The following TRAPPC9 variants were observed in gnomAD, a reference collection of about 807,000 sequenced individuals.
The protein encoded by TRAPPC9 is IKK2 binding protein.
Under a neutral mutation model 124.0 loss-of-function variants are expected in TRAPPC9, and 83 were observed. The observed-to-expected ratio is 0.67, with a 90% CI of 0.56 to 0.80. The LOEUF (loss-of-function observed/expected upper bound fraction) is 0.80, where lower values mean the gene tolerates loss of function less well. Ranked by LOEUF, TRAPPC9 falls within the 30% of genes least tolerant of loss-of-function variation. The pLI is 0.00. For missense variants in TRAPPC9, 1,302 were observed against 1,508.3 expected, an observed-to-expected ratio of 0.86 and a Z score of 2.27; for synonymous variants, 638 against 617.5, an observed-to-expected ratio of 1.03 and a Z score of -0.49.
chr8:140,270,508 T>A (rs1215558925), intron 15 of TRAPPC9, among the ~76,000 whole-genome samples: 3 of 152,206 alleles, frequency 2.0e-5, no homozygotes, highest in Non-Finnish European at 4.4e-5. Context: ...ACCCAGTCAC[T>A]GCCTTGGAGA....
chr8:140,328,170 G>A (rs980476400), intron 9 of TRAPPC9, among the ~76,000 whole-genome samples: 3 of 152,182 alleles, frequency 2.0e-5, no homozygotes, highest in East Asian at 1.9e-4. Context: ...CAGAAGAATC[G>A]CTTGAAGCCA....
chr8:139,770,690 A>C (rs774103691), intron 21 of TRAPPC9, among the ~76,000 whole-genome samples: 13 of 152,196 alleles, frequency 8.5e-5, no homozygotes, highest in Non-Finnish European at 1.5e-4. Flanking sequence ...CACTAATGAG[A>C]AACAGTAAGA....
At chr8:140,109,454 C>T (rs1217660416) in intron 17 of TRAPPC9, among the ~76,000 whole-genome samples, 2 of 151,980 alleles carry the variant, frequency 1.3e-5, no homozygotes, top group African/African-American at 2.4e-5. Context: ...CTCAAAAATA[C>T]GAAGAGAAAA....
chr8:139,738,853 A>G (rs1467439070), intron 21 of TRAPPC9, among the ~76,000 whole-genome samples: 1 of 151,976 alleles, frequency 6.6e-6, no homozygotes, highest in African/African-American at 2.4e-5. Flanking sequence ...GGCACTGGGT[A>G]GGGTGCACAG....
chr8:139,830,406 T>C (rs1825906580), intron 21 of TRAPPC9, among the ~76,000 whole-genome samples: 1 of 150,312 alleles, frequency 6.7e-6, no homozygotes, highest in Non-Finnish European at 1.5e-5. Context: ...CAAATGAGCA[T>C]ACACCTGCAA....
At chr8:139,967,089 C>T (rs1286224283) in intron 19 of TRAPPC9, among the ~76,000 whole-genome samples, 2 of 152,180 alleles carry the variant, frequency 1.3e-5, no homozygotes, top group East Asian at 3.9e-4. Context: ...ACACTCAGGG[C>T]CCCTTCCTAC....
intron 18 of TRAPPC9, among the ~76,000 whole-genome samples, chr8:140,012,068 C>T (rs942894611): frequency 6.6e-6 from 1 of 152,172 alleles, no homozygotes; most frequent in Non-Finnish European, 1.5e-5. Context: ...CCTTGGCCTC[C>T]CAAAGTGCTG....
intron 14 of TRAPPC9, among the ~76,000 whole-genome samples, chr8:140,281,487 T>C (rs1488452473): frequency 6.6e-6 from 1 of 152,214 alleles, no homozygotes; most frequent in Non-Finnish European, 1.5e-5. Flanking sequence ...GTTTTAAGAG[T>C]TCTTAATGTG....
intron 5 of TRAPPC9, among the ~76,000 whole-genome samples, chr8:140,416,978 C>T (rs1253006992): frequency 6.6e-6 from 1 of 152,190 alleles, no homozygotes; most frequent in African/African-American, 2.4e-5. Context: ...AAAAGATTCC[C>T]TATTTAATAA....
chr8:139,889,798 C>A (rs970057650), intron 20 of TRAPPC9, among the ~76,000 whole-genome samples: 1 of 152,216 alleles, frequency 6.6e-6, no homozygotes, highest in African/African-American at 2.4e-5. Flanking sequence ...TCAGGAAGCA[C>A]TGGACAAGGA....
intron 7 of TRAPPC9, among the ~76,000 whole-genome samples, chr8:140,389,452 G>A (rs564272342): frequency 8.3e-4 from 126 of 152,318 alleles, no homozygotes; most frequent in African/African-American, 2.8e-3. Context: ...GGTCACTGCC[G>A]TCACGGCCAC....
At chr8:139,793,067 C>G (rs776907282) in intron 21 of TRAPPC9, among the ~76,000 whole-genome samples, 1 of 152,124 alleles carries the variant, frequency 6.6e-6, no homozygotes, top group Non-Finnish European at 1.5e-5. Context: ...GGGTCCAAGG[C>G]GGCCCAGCTG....
rs1025984933 is a variant in TRAPPC9 at position 140,284,020 on chromosome 8, AC to A, written c.1982del (p.Gly661ValfsTer21). On this transcript the variant is annotated frameshift_variant and splice_region_variant, in exon 14 of 23. Transcript: ENST00000438773. LOFTEE classifies it high-confidence loss of function. ...PQTTGTITVN[G>X]YHTTVFGVFS... ...ACACACCGAAGACCGTGGTATGGTA[AC>A]CTGGAATAGAAAAGGAACTTCTTCA... 2 of 1,614,040 alleles carry A rather than the reference AC, an allele frequency of 1.2e-6. No individual in the cohort carries two copies. The highest frequency in any genetic ancestry group is 1.7e-6 in the Non-Finnish European group (2 of 1,179,928).
At chr8:140,267,736 A>G (rs56677823) in intron 15 of TRAPPC9, among the ~76,000 whole-genome samples, 37,444 of 151,996 alleles carry the variant, frequency 0.25, 5,043 homozygotes, top group African/African-American at 0.35. Context: ...GCACGATCTC[A>G]GCTCACAGCA....
chr8:139,971,716 T>C (rs1563651980), intron 19 of TRAPPC9, among the ~76,000 whole-genome samples: 4 of 120,872 alleles, frequency 3.3e-5, no homozygotes, highest in Non-Finnish European at 5.4e-5. Flanking sequence ...AGTTCATATA[T>C]ATATATACAC....
intron 19 of TRAPPC9, among the ~76,000 whole-genome samples, chr8:139,946,465 C>T (rs547903088): frequency 6.6e-6 from 1 of 152,266 alleles, no homozygotes; most frequent in East Asian, 1.9e-4. Flanking sequence ...CCTCTGGAGT[C>T]GGGAGTGACA....
intron 17 of TRAPPC9, among the ~76,000 whole-genome samples, chr8:140,203,234 T>A (rs1318843327): frequency 6.6e-6 from 1 of 152,212 alleles, no homozygotes; most frequent in South Asian, 2.1e-4. Flanking sequence ...TCATCTAATT[T>A]TGAATTACGG....
intron 16 of TRAPPC9, among the ~76,000 whole-genome samples, chr8:140,239,039 G>A (rs2063793920): frequency 6.6e-6 from 1 of 152,164 alleles, no homozygotes; most frequent in South Asian, 2.1e-4. Context: ...ACTGGGAAGA[G>A]GGAGCAGGCC....
At chr8:140,291,315 C>T (rs899101391) in intron 11 of TRAPPC9, 6 of 580,146 alleles carry the variant, frequency 1.0e-5, no homozygotes, top group Middle Eastern at 4.7e-4. Flanking sequence ...CTGCCTTCGG[C>T]GGGCTGCATT....
Sources: gnomAD v4.1 joint callset for allele counts (sites outside exome capture counted in the v4.1 genomes callset) on GRCh38, gnomAD v4.1.1 for gene constraint, MANE v1.5 for transcripts, NCBI Gene and HGNC (gene_info 2026-07-23, HGNC 2026-07-21) for gene names.